Variants in PATL2 observed in about 807,000 individuals in gnomAD.
PATL2 encodes the protein PAT1 homolog 2.
PATL2 carries 73 observed loss-of-function variants against 77.0 expected under a neutral mutation model. The observed-to-expected ratio is 0.95, with a 90% CI of 0.78 to 1.15. PATL2 has a LOEUF of 1.15. Among genes scored for constraint, PATL2 ranks in the 50% most tolerant of loss-of-function variants. The pLI is 0.00. For synonymous variants in PATL2, 265 were observed against 257.1 expected (o/e 1.03, Z -0.29); for missense variants, 618 against 655.4 (o/e 0.94, Z 0.62).
intron 3 of PATL2, among the ~76,000 whole-genome samples, chr15:44,707,621 T>C (rs927416573): frequency 6.6e-6 from 1 of 152,252 alleles, no homozygotes; most frequent in South Asian, 2.1e-4. Context: ...AACTCATCTT[T>C]GTTCTTCCCT....
At position 44,665,854 on chromosome 15, in the gene PATL2, G is replaced by T. The variant is rs1462880194; in HGVS notation, c.*99C>A. The T allele has an allele frequency of 7.1e-6, 11 of 1,547,440 alleles. No individual in the cohort carries two copies. In the Middle Eastern group the frequency reaches 5.0e-4, roughly 71 times the overall value. On this transcript the variant is annotated 3_prime_UTR_variant, in exon 18 of 18. Transcript: ENST00000682850. ...GGTTCTCCAATATATAAAGGCATAA[G>T]AAATGTCTTCAGACTCTCTGGATCC...
At chr15:44,676,987 A>G (rs1354071141) in intron 3 of PATL2, 1 of 859,868 alleles carries the variant, frequency 1.2e-6, no homozygotes, top group Admixed American at 5.6e-5. Context: ...AAGGGCTAGC[A>G]TCCTCCATCC....
chr15:44,681,051 G>C (rs2086123240), intron 3 of PATL2, among the ~76,000 whole-genome samples: 1 of 152,118 alleles, frequency 6.6e-6, no homozygotes, highest in South Asian at 2.1e-4. Context: ...TAGTTTTAGA[G>C]ATGGGGTCTC....
At chr15:44,680,572 C>T (rs1396944937) in intron 3 of PATL2, among the ~76,000 whole-genome samples, 1 of 152,168 alleles carries the variant, frequency 6.6e-6, no homozygotes, top group Non-Finnish European at 1.5e-5. Flanking sequence ...AGCCACTTTT[C>T]TCTGTGTCTT....
At position 44,676,467 on chromosome 15, in the gene PATL2, G is replaced by A; in HGVS notation, c.16+8C>T. ...TTTTATATAACATCACGGCCCACTT[G>A]TTGATACCTTCAAGGCAATTCATCT... On this transcript the variant is annotated splice_region_variant and intron_variant, in intron 4 of 17. Coordinates refer to ENST00000682850, the MANE Select transcript of PATL2 (RefSeq NM_001387263.1). 6.5e-7 allele frequency: 1 copy of A among 1,549,188 alleles called. No homozygotes were observed. The highest frequency in any genetic ancestry group is 1.2e-5 in the South Asian group (1 of 84,016).
rs1423570858 is a variant in PATL2, at chr15:44,669,071, A to G, written c.1133T>C (p.Leu378Pro). The G allele has an allele frequency of 6.4e-7, 1 of 1,551,188 alleles. No individual in the cohort carries two copies. The highest frequency in any genetic ancestry group is 1.2e-5 in the South Asian group (1 of 83,956). Residue 378 changes from leucine to proline, a missense_variant, in exon 14 of 18, where the codon CTC becomes CCC. Leu to Pro is a moderately conservative substitution (Grantham distance 98). Transcript: ENST00000682850. ...AGCCTGATCCTGGGGCAGGAAGGGG[A>G]GCAGCCGGGCCACCAGGGCCTTCCC... ...RKGKALVARL[L>P]PFLPQDQAVT...
At chr15:44,680,189 C>T (rs1006899985) in intron 3 of PATL2, among the ~76,000 whole-genome samples, 1 of 152,180 alleles carries the variant, frequency 6.6e-6, no homozygotes, top group African/African-American at 2.4e-5. Flanking sequence ...TCCTGACATG[C>T]TCCTCAGTTA....
At chr15:44,696,338 A>C (rs2086501844) in intron 3 of PATL2, among the ~76,000 whole-genome samples, 1 of 152,224 alleles carries the variant, frequency 6.6e-6, no homozygotes, top group African/African-American at 2.4e-5. Context: ...TTCTGCATTC[A>C]AGCTGACAGG....
rs1276961431 is a variant in PATL2, at chr15:44,711,277, A to C, written c.-511T>G. On this transcript the variant is annotated 5_prime_UTR_variant, in exon 1 of 18. Coordinates refer to ENST00000682850, the MANE Select transcript of PATL2 (RefSeq NM_001387263.1). ...CCTAGAATGAGCGCCCGGTGTCCCAAGCTGGGGCGCGCACCCCAGATCGGA... is the reference window on the plus strand; with the variant it reads ...CCTAGAATGAGCGCCCGGTGTCCCACGCTGGGGCGCGCACCCCAGATCGGA... 1 of 587,450 alleles carries C rather than the reference A, an allele frequency of 1.7e-6. No homozygotes were observed. Among genetic ancestry groups the C allele is most frequent in the African/African-American group, 1.9e-5 (1 of 53,700 alleles). 36.4% of individuals were successfully genotyped at this position (587,450 alleles called of 1,614,324 possible).
At chr15:44,694,970 TA>T (rs989519139) in intron 3 of PATL2, among the ~76,000 whole-genome samples, 51 of 151,976 alleles carry the variant, frequency 3.4e-4, no homozygotes, top group Middle Eastern at 3.4e-3. Flanking sequence ...CACCACCCCC[TA>T]AAAGCAGTTA....
At chr15:44,668,561 C>T in intron 14 of PATL2, 79 bp from the exon 15 acceptor site, 1 of 1,493,756 alleles carries the variant, frequency 6.7e-7, no homozygotes, top group African/African-American at 1.4e-5. Flanking sequence ...AGTCCCTTCC[C>T]TCGCTGACCT....
At chr15:44,697,703 G>A (rs751753284) in intron 3 of PATL2, among the ~76,000 whole-genome samples, 28 of 151,858 alleles carry the variant, frequency 1.8e-4, no homozygotes, top group East Asian at 3.9e-4. Context: ...ATCCCTTCTC[G>A]GAAAGTGCCA....
At position 44,672,037 on chromosome 15, in the gene PATL2, C is replaced by A. The variant is rs1388635954; in HGVS notation, c.635G>T (p.Arg212Leu). 1 of 1,551,672 alleles carries A rather than the reference C, an allele frequency of 6.4e-7. No individual in the cohort carries two copies. The highest frequency in any genetic ancestry group is 1.2e-5 in the South Asian group (1 of 84,064). The part of the protein sequence containing the change: ...QMVQLQSAKP[R>L]LDDYYYQEYY... The stretch of plus-strand genomic sequence containing the variant: ...CACCTGGTAATAGTAGTCATCCAGG[C>A]GGGGTTTTGCACTCTGCAGCTGCAC... The change falls in exon 9 of 18, where the codon CGC becomes CTC. Residue 212 changes from arginine to leucine, a missense_variant. Arg to Leu is a moderately radical substitution (Grantham distance 102). Transcript: ENST00000682850.
In PATL2 at chr15:44,673,222, C is replaced by T; in HGVS notation, c.446+13G>A. The T allele has an allele frequency of 6.4e-7, 1 of 1,550,910 alleles. No individual in the cohort carries two copies. Among genetic ancestry groups the T allele is most frequent in the Admixed American group, 2.0e-5 (1 of 50,978 alleles). On this transcript the variant is annotated intron_variant, in intron 7 of 17. Transcript: ENST00000682850. ...ACCTCCTGAGACCTCTGGGGAGAAC[C>T]TCAAACCAGTACCTGAACCTAGGGG... is the stretch of plus-strand genomic sequence containing the variant.
intron 3 of PATL2, among the ~76,000 whole-genome samples, chr15:44,699,067 C>A (rs547394337): frequency 3.3e-5 from 5 of 152,262 alleles, no homozygotes; most frequent in Middle Eastern, 3.4e-3. Context: ...CTATTCAGAT[C>A]TTTTGCCCAT....
At chr15:44,678,941 A>G (rs1029494380) in intron 3 of PATL2, among the ~76,000 whole-genome samples, 1 of 152,136 alleles carries the variant, frequency 6.6e-6, no homozygotes, top group Non-Finnish European at 1.5e-5. Flanking sequence ...TTTAAGTTAT[A>G]TATCTTCTAG....
chr15:44,696,932 A>T (rs2086516182), intron 3 of PATL2, among the ~76,000 whole-genome samples: 2 of 152,290 alleles, frequency 1.3e-5, no homozygotes, highest in South Asian at 4.1e-4. Context: ...AAGTACTTAC[A>T]TTTGCCGCAA....
At chr15:44,668,593 G>A (rs1408272484) in intron 14 of PATL2, 111 bp from the exon 15 acceptor site, 1 of 1,347,700 alleles carries the variant, frequency 7.4e-7, no homozygotes, top group Non-Finnish European at 1.0e-6. Flanking sequence ...GTCCTGGTGA[G>A]GTTACTTACC....
At chr15:44,667,071 A>G in intron 16 of PATL2, 35 bp downstream of exon 16, 2 of 1,439,052 alleles carry the variant, frequency 1.4e-6, no homozygotes, top group South Asian at 2.4e-5. Context: ...TCCCGAGGGT[A>G]CTAGATAGTA....
Sources: gnomAD v4.1 joint callset for allele counts (sites outside exome capture counted in the v4.1 genomes callset) on GRCh38, gnomAD v4.1.1 for gene constraint, MANE v1.5 for transcripts, NCBI Gene and HGNC (gene_info 2026-07-23, HGNC 2026-07-21) for gene names.